OPCML: variants seen among roughly 807,000 people sequenced by gnomAD.
The protein encoded by OPCML is opioid binding protein/cell adhesion molecule like, also known as opioid-binding protein/cell adhesion molecule.
Under a neutral mutation model 37.8 loss-of-function variants are expected in OPCML, and 13 were observed. The ratio of observed to expected loss-of-function variants is 0.34; its 90% confidence interval spans 0.22 to 0.55. The LOEUF (loss-of-function observed/expected upper bound fraction) is 0.55, where lower values mean the gene tolerates loss of function less well. Ranked by LOEUF, OPCML falls within the 20% of genes least tolerant of loss-of-function variation. The pLI is 0.91. For synonymous variants in OPCML, 176 were observed against 168.8 expected (o/e 1.04, Z -0.33); for missense variants, 341 against 435.6 (o/e 0.78, Z 1.93).
chr11:133,524,877 C>T (rs140875075), intron 1 of OPCML, among the ~76,000 whole-genome samples: 88 of 152,308 alleles, frequency 5.8e-4, no homozygotes, highest in Non-Finnish European at 9.7e-4. Flanking sequence ...GGCCTCAATG[C>T]CTTTGAGGAC....
At chr11:132,551,778 A>C (rs1038466583) in intron 3 of OPCML, among the ~76,000 whole-genome samples, 14 of 151,630 alleles carry the variant, frequency 9.2e-5, no homozygotes, top group African/African-American at 2.9e-4. Flanking sequence ...ATCCTTAAAA[A>C]CTCTGATCCC....
chr11:132,722,685 T>C (rs1944717416), intron 2 of OPCML, among the ~76,000 whole-genome samples: 1 of 152,108 alleles, frequency 6.6e-6, no homozygotes, highest in African/African-American at 2.4e-5. Flanking sequence ...TTATTATTTA[T>C]CAAGAGGCAT....
At position 132,555,946 on chromosome 11, in the gene OPCML, ATTT is replaced by A. The variant is rs151146912; in HGVS notation, c.380-26763_380-26761del. ...TTTCTTGTTTCAATAAAAATTTTGG[ATTT>A]TTTTTTTGAGACAGGGTCTCCTTCT... On this transcript the variant is annotated intron_variant, in intron 3 of 7. Coordinates refer to ENST00000524381, the MANE Select transcript of OPCML (RefSeq NM_001012393.5). Among the ~76,000 whole-genome samples the A allele has an allele frequency of 0.018, 2,649 of 149,956 alleles. 144 individuals carry two copies. The East Asian group carries it at 0.21, about 12-fold the overall frequency.
intron 1 of OPCML, among the ~76,000 whole-genome samples, chr11:133,216,657 T>A (rs887146117): frequency 9.2e-5 from 14 of 151,948 alleles, no homozygotes; most frequent in Admixed American, 9.2e-4. Flanking sequence ...CTCAATTAAA[T>A]AATCTACACA....
rs57243826 is a variant in OPCML, at chr11:132,662,412, C to CAAAAAAA, written c.147-5100_147-5094dup. On this transcript the variant is annotated intron_variant, in intron 2 of 7. Coordinates refer to ENST00000524381, the MANE Select transcript of OPCML (RefSeq NM_001012393.5). ...TTTTTATATTTTGTCTTTGAAAATGCAAAAAAAAAAAAAAAAAGTGCCAAG... is the reference window on the plus strand; with the variant it reads ...TTTTTATATTTTGTCTTTGAAAATGCAAAAAAAAAAAAAAAAAAAAAAAAGTGCCAAG... Among the ~76,000 whole-genome samples the CAAAAAAA allele has an allele frequency of 1.3e-4, 16 of 119,940 alleles. 1 individual carries two copies. Among genetic ancestry groups the CAAAAAAA allele is most frequent in the African/African-American group, 3.8e-4 (13 of 34,106 alleles). 78.7% of individuals were successfully genotyped at this position (119,940 alleles called of 152,430 possible). A position where few individuals can be genotyped will look rare whatever the true frequency, so the allele number is the denominator to read the frequency against.
At chr11:133,462,821 T>G (rs1946886687) in intron 1 of OPCML, among the ~76,000 whole-genome samples, 1 of 152,186 alleles carries the variant, frequency 6.6e-6, no homozygotes, top group Non-Finnish European at 1.5e-5. Context: ...TCCAGGAATT[T>G]CACTTCTGTG....
intron 4 of OPCML, among the ~76,000 whole-genome samples, chr11:132,516,308 T>A (rs554615170): frequency 2.1e-4 from 32 of 152,284 alleles, no homozygotes; most frequent in Non-Finnish European, 3.4e-4. Flanking sequence ...TTGAAGTGCC[T>A]TCTCCAAACA....
chr11:132,761,712 C>A (rs148261106), intron 2 of OPCML, among the ~76,000 whole-genome samples: 2 of 152,172 alleles, frequency 1.3e-5, no homozygotes, highest in African/African-American at 4.8e-5. Flanking sequence ...TTCCCGTAAC[C>A]TTTTATCAAG....
intron 1 of OPCML, among the ~76,000 whole-genome samples, chr11:133,306,456 T>A (rs916605365): frequency 6.6e-6 from 1 of 152,184 alleles, no homozygotes; most frequent in Non-Finnish European, 1.5e-5. Flanking sequence ...TTGACATTGG[T>A]TTCAATTTAC....
rs75560707 is a variant in OPCML, at chr11:133,502,026, C to A, written c.61+30238G>T. 5.9e-3 allele frequency among the ~76,000 whole-genome samples: 895 copies of A among 152,214 alleles called. 14 individuals are homozygous for A. Among genetic ancestry groups the A allele is most frequent in the African/African-American group, 0.02 (851 of 41,514 alleles). ...CCCACCCAGCCATTCCTCTCACCCC[C>A]CTTTCCTTCCATGGTTCACCCTCCC... On this transcript the variant is annotated intron_variant, in intron 1 of 7. Coordinates refer to ENST00000524381, the MANE Select transcript of OPCML (RefSeq NM_001012393.5).
chr11:132,973,282 C>T (rs183944061), intron 1 of OPCML, among the ~76,000 whole-genome samples: 1 of 152,156 alleles, frequency 6.6e-6, no homozygotes, highest in East Asian at 1.9e-4. Context: ...ATAATTGTTC[C>T]CTTCCACCTC....
intron 1 of OPCML, among the ~76,000 whole-genome samples, chr11:133,093,889 AATAG>A (rs1191003749): frequency 6.6e-6 from 1 of 152,208 alleles, no homozygotes; most frequent in Non-Finnish European, 1.5e-5. Context: ...TGAAAAACAG[AATAG>A]ATAAATCTTA....
intron 1 of OPCML, among the ~76,000 whole-genome samples, chr11:133,094,184 C>T (rs553639484): frequency 6.6e-6 from 1 of 152,126 alleles, no homozygotes; most frequent in South Asian, 2.1e-4. Flanking sequence ...AATTACTTTG[C>T]CTTTGAGGTT....
chr11:133,420,950 G>T (rs1388061537), intron 1 of OPCML: 9 of 985,202 alleles, frequency 9.1e-6, no homozygotes, highest in Non-Finnish European at 1.1e-5. Context: ...TTGAAAATGA[G>T]ATTTTTAGTC....
At chr11:132,480,522 CACAAAGATACTCCTTGAGA>C (rs1474301369) in intron 4 of OPCML, among the ~76,000 whole-genome samples, 1 of 152,074 alleles carries the variant, frequency 6.6e-6, no homozygotes, top group Non-Finnish European at 1.5e-5. Context: ...CAGAGAACAC[CACAAAGATACTCCTTGAGA>C]AGAGCAACTC....
intron 3 of OPCML, among the ~76,000 whole-genome samples, chr11:132,587,515 C>T (rs562663576): frequency 6.6e-6 from 1 of 152,308 alleles, no homozygotes; most frequent in South Asian, 2.1e-4. Context: ...TGTGCCTCTC[C>T]CCCAGCCCAC....
At chr11:132,962,839 A>G in intron 1 of OPCML, among the ~76,000 whole-genome samples, 1 of 152,188 alleles carries the variant, frequency 6.6e-6, no homozygotes, top group East Asian at 1.9e-4. Flanking sequence ...ACTTTACACC[A>G]GGAGCTCTCC....
At chr11:133,042,892 CT>C (rs1283750588) in intron 1 of OPCML, among the ~76,000 whole-genome samples, 4 of 152,186 alleles carry the variant, frequency 2.6e-5, no homozygotes, top group African/African-American at 4.8e-5. Context: ...CATCAACCTG[CT>C]ACTGTAATTT....
At chr11:133,130,393 T>C (rs1273479759) in intron 1 of OPCML, among the ~76,000 whole-genome samples, 1 of 152,080 alleles carries the variant, frequency 6.6e-6, no homozygotes, top group African/African-American at 2.4e-5. Flanking sequence ...TTTAGAAATA[T>C]TGGCCAAACA....
Sources: gnomAD v4.1 joint callset for allele counts (sites outside exome capture counted in the v4.1 genomes callset) on GRCh38, gnomAD v4.1.1 for gene constraint, MANE v1.5 for transcripts, NCBI Gene and HGNC (gene_info 2026-07-23, HGNC 2026-07-21) for gene names.